Variants in EPHA6 observed in about 807,000 individuals in gnomAD.
EPHA6 encodes the protein ephrin type-A receptor 6.
Under a neutral mutation model 112.0 loss-of-function variants are expected in EPHA6, and 50 were observed. The ratio of observed to expected loss-of-function variants is 0.45; its 90% CI spans 0.36 to 0.56. The LOEUF (loss-of-function observed/expected upper bound fraction) is 0.56. Among genes scored for constraint, EPHA6 ranks in the 20% least tolerant of loss-of-function variants. The pLI is 0.00. For missense variants in EPHA6, 1,280 were observed against 1,417.4 expected, an observed-to-expected ratio of 0.90 and a Z score of 1.56; for synonymous variants, 529 against 490.7, an observed-to-expected ratio of 1.08 and a Z score of -1.03.
intron 11 of EPHA6, among the ~76,000 whole-genome samples, chr3:97,565,974 C>CA (rs1403282451): frequency 6.9e-6 from 1 of 145,320 alleles, no homozygotes; most frequent in Non-Finnish European, 1.5e-5. Flanking sequence ...GAGCCGAGAT[C>CA]ATGCCACTGC....
chr3:97,701,137 C>T (rs1329592308), intron 14 of EPHA6, among the ~76,000 whole-genome samples: 1 of 152,024 alleles, frequency 6.6e-6, no homozygotes, highest in East Asian at 1.9e-4. Flanking sequence ...GTGAAGGATT[C>T]CAGTATGAGT....
intron 15 of EPHA6, among the ~76,000 whole-genome samples, chr3:97,720,849 G>A (rs995653195): frequency 6.6e-6 from 1 of 152,180 alleles, no homozygotes; most frequent in African/African-American, 2.4e-5. Flanking sequence ...TTATCAATAT[G>A]TGCCATCTAG....
At chr3:97,739,852 G>A (rs1437405211) in intron 16 of EPHA6, among the ~76,000 whole-genome samples, 1 of 152,140 alleles carries the variant, frequency 6.6e-6, no homozygotes. Flanking sequence ...TTTCATAAAT[G>A]TGAATTTCAA....
At chr3:97,025,252 A>G (rs570840851) in intron 3 of EPHA6, among the ~76,000 whole-genome samples, 24 of 152,332 alleles carry the variant, frequency 1.6e-4, no homozygotes, top group African/African-American at 5.8e-4. Context: ...CACTTTTTTA[A>G]TAAAAAGTAA....
intron 3 of EPHA6, among the ~76,000 whole-genome samples, chr3:97,110,535 T>G (rs187284142): frequency 6.6e-6 from 1 of 152,214 alleles, no homozygotes; most frequent in Non-Finnish European, 1.5e-5. Context: ...TATTTATTTA[T>G]TTATTTAGAG....
intron 13 of EPHA6, among the ~76,000 whole-genome samples, chr3:97,631,775 A>G (rs1217765815): frequency 6.6e-6 from 1 of 151,984 alleles, no homozygotes; most frequent in African/African-American, 2.4e-5. Context: ...ATCATCTACC[A>G]GTTATAGTGT....
intron 14 of EPHA6, among the ~76,000 whole-genome samples, chr3:97,678,438 A>G (rs1466297113): frequency 2.0e-5 from 3 of 152,104 alleles, no homozygotes; most frequent in African/African-American, 4.8e-5. Flanking sequence ...GACCCAGAAG[A>G]CGAGCGCTTC....
intron 11 of EPHA6, among the ~76,000 whole-genome samples, chr3:97,549,326 G>A (rs777989970): frequency 6.6e-6 from 1 of 152,086 alleles, no homozygotes; most frequent in Admixed American, 6.6e-5. Flanking sequence ...ATGTTGCCAG[G>A]AAGAGGCTAC....
chr3:97,028,397 A>G (rs1009901094), intron 3 of EPHA6, among the ~76,000 whole-genome samples: 2 of 152,134 alleles, frequency 1.3e-5, no homozygotes, highest in African/African-American at 2.4e-5. Context: ...GGAGCTCAAT[A>G]AAAGTGTCTT....
chr3:97,451,592 TA>T (rs36039216), intron 7 of EPHA6, among the ~76,000 whole-genome samples: 36,529 of 131,988 alleles, frequency 0.28, 5,752 homozygotes, highest in African/African-American at 0.47. Flanking sequence ...AAAGGATCAT[TA>T]AAAAAAAAAA....
chr3:97,553,367 A>G (rs1180632255), intron 11 of EPHA6, among the ~76,000 whole-genome samples: 1 of 152,034 alleles, frequency 6.6e-6, no homozygotes, highest in Non-Finnish European at 1.5e-5. Context: ...ACCTAAATCT[A>G]AAGTAGCCCT....
intron 14 of EPHA6, among the ~76,000 whole-genome samples, chr3:97,641,924 G>T (rs1418575463): frequency 6.6e-6 from 1 of 151,002 alleles, no homozygotes; most frequent in Admixed American, 6.6e-5. Flanking sequence ...AGCTCGAACT[G>T]GGTGGAGCCC....
intron 3 of EPHA6, among the ~76,000 whole-genome samples, chr3:97,101,894 C>T (rs2047414120): frequency 6.6e-6 from 1 of 152,018 alleles, no homozygotes; most frequent in Non-Finnish European, 1.5e-5. Flanking sequence ...ACTATTTTGA[C>T]TATTCATTGA....
intron 2 of EPHA6, among the ~76,000 whole-genome samples, chr3:96,957,685 ATAATT>A (rs2041811873): frequency 6.6e-6 from 1 of 152,216 alleles, no homozygotes; most frequent in African/African-American, 2.4e-5. Flanking sequence ...AGGAAAAGTA[ATAATT>A]TAATTCTGTT....
intron 5 of EPHA6, among the ~76,000 whole-genome samples, chr3:97,267,561 A>T (rs1397060855): frequency 6.6e-6 from 1 of 152,156 alleles, no homozygotes; most frequent in Non-Finnish European, 1.5e-5. Context: ...AAACGAAAAA[A>T]ATCTTATGTT....
At chr3:97,405,766 C>T (rs1314195864) in intron 6 of EPHA6, among the ~76,000 whole-genome samples, 5 of 152,012 alleles carry the variant, frequency 3.3e-5, no homozygotes, top group Admixed American at 3.3e-4. Context: ...ACTTTCTTTA[C>T]ATTCAGGTTA....
intron 5 of EPHA6, among the ~76,000 whole-genome samples, chr3:97,326,244 A>AT (rs1553747130): frequency 6.6e-6 from 1 of 152,014 alleles, no homozygotes; most frequent in Non-Finnish European, 1.5e-5. Flanking sequence ...CCCCTTAATA[A>AT]TATCAGTGTC....
chr3:96,929,960 T>G (rs963670806), intron 2 of EPHA6, among the ~76,000 whole-genome samples: 6 of 152,206 alleles, frequency 3.9e-5, no homozygotes, highest in Admixed American at 1.3e-4. Context: ...TCTCTTATTT[T>G]AGAAAGATAT....
intron 3 of EPHA6, among the ~76,000 whole-genome samples, chr3:97,003,487 T>TG (rs2043749530): frequency 2.0e-5 from 3 of 152,124 alleles, no homozygotes; most frequent in Non-Finnish European, 2.9e-5. Context: ...GAGATCTATT[T>TG]GGGGAAAAGA....
Sources: allele counts gnomAD v4.1 joint callset (sites outside exome capture counted in the v4.1 genomes callset), GRCh38; gene constraint gnomAD v4.1.1; transcripts MANE v1.5; gene names NCBI Gene and HGNC (gene_info 2026-07-23, HGNC 2026-07-21).